Variants in TBC1D31 observed in about 807,000 individuals in gnomAD.
TBC1D31 encodes the protein TBC1 domain family member 31.
In TBC1D31, 99 loss-of-function variants were observed where a neutral mutation model predicts 132.9. That is an observed-to-expected ratio of 0.74 (90% CI 0.63 to 0.88). The LOEUF (loss-of-function observed/expected upper bound fraction) is 0.88, where lower values mean the gene tolerates loss of function less well. TBC1D31 is among the 40% of genes least tolerant of loss of function. The pLI is 0.00. For synonymous variants in TBC1D31, 385 were observed against 419.4 expected (o/e 0.92, Z 1.00); for missense variants, 1,134 against 1,256.6 (o/e 0.90, Z 1.48).
rs202057943 is a variant in TBC1D31, at chr8:123,084,353, G to A, written c.519+13G>A. 3.7e-6 allele frequency: 6 copies of A among 1,612,766 alleles called. 1 individual carries two copies. Among genetic ancestry groups the A allele is most frequent in the South Asian group, 3.3e-5 (3 of 90,918 alleles). On this transcript the variant is annotated intron_variant, in intron 4 of 21. Coordinates refer to ENST00000287380, the MANE Select transcript of TBC1D31 (RefSeq NM_145647.4). ...GGGTATACAGAAGGTCAGTGAGGGG[G>A]TACATCTTGGTCTGTTGTGCTTCTC...
intron 8 of TBC1D31, among the ~76,000 whole-genome samples, chr8:123,107,817 G>A (rs1249818509): frequency 3.3e-5 from 5 of 152,200 alleles, no homozygotes; most frequent in Non-Finnish European, 7.3e-5. Context: ...CACTTCTATG[G>A]CATGAAGTGC....
At chr8:123,082,595 A>T in intron 2 of TBC1D31, 107 bp from the exon 3 acceptor site, 1 of 718,138 alleles carries the variant, frequency 1.4e-6, no homozygotes, top group Non-Finnish European at 2.3e-6. Context: ...CTAAAATGGT[A>T]GCTCATTTTT....
chr8:123,123,382 T>C, intron 11 of TBC1D31: 1 of 186,844 alleles, frequency 5.4e-6, no homozygotes, highest in Non-Finnish European at 1.2e-5. Context: ...CCAATGCATC[T>C]CACAAGAGGC....
At chr8:123,145,918 TG>T (rs1232106577) in intron 20 of TBC1D31, among the ~76,000 whole-genome samples, 1 of 150,140 alleles carries the variant, frequency 6.7e-6, no homozygotes, top group African/African-American at 2.5e-5. Flanking sequence ...TCTCCCAGGC[TG>T]GAGTGCAGTG....
Position 123,151,992 on chromosome 8 carries a change from A to G in TBC1D31, c.*53A>G. On this transcript the variant is annotated 3_prime_UTR_variant, in exon 22 of 22. Transcript: ENST00000287380. ...AGAGAGACCTATTTTGCAATCAGTGACATTGATTTTTAGATTATTTATTTA... is the reference window on the plus strand; with the variant it reads ...AGAGAGACCTATTTTGCAATCAGTGGCATTGATTTTTAGATTATTTATTTA... 1 of 1,356,534 alleles carries G rather than the reference A, an allele frequency of 7.4e-7. No homozygotes were observed. The highest frequency in any genetic ancestry group is 9.6e-7 in the Non-Finnish European group (1 of 1,041,068). The allele number at this position is 1,356,534 out of a possible 1,614,324, so 84.0% of individuals were successfully genotyped here.
At chr8:123,108,178 G>C (rs975933027) in intron 8 of TBC1D31, among the ~76,000 whole-genome samples, 1 of 152,132 alleles carries the variant, frequency 6.6e-6, no homozygotes, top group African/African-American at 2.4e-5. Flanking sequence ...TTCGAGTCTT[G>C]AGCCAAGATT....
intron 8 of TBC1D31, among the ~76,000 whole-genome samples, chr8:123,108,049 T>C (rs7841111): frequency 0.62 from 93,862 of 152,056 alleles, 29,706 homozygotes; most frequent in African/African-American, 0.74. Flanking sequence ...ATACCTTTAA[T>C]ATGGCACTCA....
chr8:123,145,853 T>G (rs1277648539), intron 20 of TBC1D31, among the ~76,000 whole-genome samples: 2 of 151,482 alleles, frequency 1.3e-5, no homozygotes, highest in African/African-American at 2.4e-5. Flanking sequence ...ATAATTCACC[T>G]TTTTTCTTTC....
At position 123,120,093 on chromosome 8, in the gene TBC1D31, G is replaced by A; in HGVS notation, c.1475G>A (p.Ser492Asn). 6.2e-7 allele frequency: 1 copy of A among 1,608,972 alleles called. No homozygotes were observed. ...TTAGCTCACTGGTCTGTCATTTTTA[G>A]TGACACACCATATCTTCCACTCTTG... ...SALAHWSVIF[S>N]DTPYLPLLAF... The change falls in exon 11 of 22, where the codon AGT becomes AAT. Residue 492 changes from serine (S) to asparagine (N), a missense_variant. Physicochemically the swap from Ser to Asn is conservative, Grantham distance 46. Transcript: ENST00000287380.
intron 7 of TBC1D31, chr8:123,103,358 A>G (rs905681583): frequency 6.6e-6 from 1 of 152,056 alleles, no homozygotes; most frequent in African/African-American, 2.4e-5. Flanking sequence ...ATGTATTAAT[A>G]TCTGCTCTTA....
rs143615136 is a variant in TBC1D31, at chr8:123,151,901, C to A, written c.3163C>A (p.Arg1055Ser). 2 of 1,584,164 alleles carry A rather than the reference C, an allele frequency of 1.3e-6. No individual in the cohort carries two copies. Among genetic ancestry groups the A allele is most frequent in the East Asian group, 2.3e-5 (1 of 43,576 alleles). Residue 1055 changes from arginine (R) to serine (S), a missense_variant, in exon 22 of 22, where the codon CGT becomes AGT. Transcript: ENST00000287380. Reference protein sequence around the residue: ...NLRQRLTARARHRCQTPHLLA... With the variant: ...NLRQRLTARASHRCQTPHLLA... ...TCGCCAGAGACTCACTGCCCGGGCT[C>A]GTCACAGATGTCAAACCCCTCATCT...
At chr8:123,122,694 A>ATTTTTACT (rs1819614013) in intron 11 of TBC1D31, among the ~76,000 whole-genome samples, 1 of 152,212 alleles carries the variant, frequency 6.6e-6, no homozygotes, top group Non-Finnish European at 1.5e-5. Context: ...TAAAGTGGCA[A>ATTTTTACT]ATAACATCTA....
At chr8:123,152,372 G>A (rs540629218), downstream of TBC1D31, among the ~76,000 whole-genome samples, 14 of 152,132 alleles carry the variant, frequency 9.2e-5, no homozygotes, top group Admixed American at 3.3e-4. Flanking sequence ...CTCTGCCAGC[G>A]GGACCCCCTC....
At chr8:123,118,809 T>G (rs1291017254) in intron 10 of TBC1D31, among the ~76,000 whole-genome samples, 2 of 152,226 alleles carry the variant, frequency 1.3e-5, no homozygotes, top group Non-Finnish European at 1.5e-5. Context: ...TATAGTTCAC[T>G]GCAGCCACAA....
chr8:123,152,591 C>T (rs1469651070), downstream of TBC1D31, among the ~76,000 whole-genome samples: 1 of 152,186 alleles, frequency 6.6e-6, no homozygotes, highest in Non-Finnish European at 1.5e-5. Flanking sequence ...ATCAGGCAGG[C>T]CAGACGTGGT....
At chr8:123,152,707 C>A (rs755503442), downstream of TBC1D31, among the ~76,000 whole-genome samples, 1 of 152,078 alleles carries the variant, frequency 6.6e-6, no homozygotes, top group African/African-American at 2.4e-5. Context: ...CCTTTCTCTA[C>A]TAAAAATAGA....
chr8:123,155,184 T>TTGA (rs1000189438), downstream of TBC1D31, among the ~76,000 whole-genome samples: 3 of 152,056 alleles, frequency 2.0e-5, no homozygotes, highest in African/African-American at 7.2e-5. The surrounding 1 kb of genome is among the most constrained non-coding windows in gnomAD (Gnocchi z 4.1). Flanking sequence ...TAGGGGTGGA[T>TTGA]TGATCACATC....
chr8:123,118,716 A>G (rs1316734974), intron 10 of TBC1D31, among the ~76,000 whole-genome samples: 3 of 152,052 alleles, frequency 2.0e-5, no homozygotes, highest in Admixed American at 2.0e-4. Context: ...CAGTGGTAAA[A>G]TGGTTCTTTC....
At chr8:123,129,467 C>A (rs141680368) in intron 15 of TBC1D31, among the ~76,000 whole-genome samples, 225 of 152,226 alleles carry the variant, frequency 1.5e-3, no homozygotes, top group African/African-American at 5.3e-3. Flanking sequence ...GATTAATGTT[C>A]CTTGAAGGAC....
Sources: gnomAD v4.1 joint callset for allele counts (sites outside exome capture counted in the v4.1 genomes callset) on GRCh38, gnomAD v4.1.1 for gene constraint, Gnocchi (gnomAD v3.1) non-coding constraint, MANE v1.5 for transcripts, NCBI Gene and HGNC (gene_info 2026-07-23, HGNC 2026-07-21) for gene names.